SUGCT: variants seen among roughly 807,000 people sequenced by gnomAD.
SUGCT encodes succinyl-CoA:glutarate CoA-transferase.
In SUGCT, 41 loss-of-function variants were observed where a neutral mutation model predicts 55.0. That is an observed-to-expected ratio of 0.74 (90% CI 0.58 to 0.97). The LOEUF (loss-of-function observed/expected upper bound fraction) is 0.97, where lower values mean the gene tolerates loss of function less well. SUGCT is among the 50% of genes least tolerant of loss of function. The pLI, the probability that SUGCT is intolerant of heterozygous loss-of-function variation, is 0.00. For missense variants in SUGCT, 568 were observed against 547.8 expected (o/e 1.04, Z -0.37); for synonymous variants, 187 against 200.4 (o/e 0.93, Z 0.56).
At chr7:40,141,925 C>T (rs893841370) in intron 1 of SUGCT, 4 of 302,366 alleles carry the variant, frequency 1.3e-5, no homozygotes, top group Admixed American at 3.4e-5. Context: ...CCCTGATGCA[C>T]GTGGCCCCGC....
the SUGCT span, among the ~76,000 whole-genome samples, chr7:40,946,371 T>C: frequency 1.1e-4 from 16 of 152,244 alleles, no homozygotes; most frequent in Non-Finnish European, 1.9e-4. Context: ...GCTCTGCACA[T>C]GTGGATACAA....
chr7:40,399,678 T>C (rs1785955365), intron 9 of SUGCT, among the ~76,000 whole-genome samples: 1 of 152,222 alleles, frequency 6.6e-6, no homozygotes, highest in Non-Finnish European at 1.5e-5. Flanking sequence ...GATAATGAAA[T>C]GAGCATATTA....
At chr7:40,254,466 C>T (rs773556721) in intron 7 of SUGCT, among the ~76,000 whole-genome samples, 44 of 151,580 alleles carry the variant, frequency 2.9e-4, no homozygotes, top group African/African-American at 5.3e-4. Context: ...GGTGTGATCT[C>T]GGCTCTCCGC....
the SUGCT span, among the ~76,000 whole-genome samples, chr7:40,866,366 T>C: frequency 1.3e-5 from 2 of 151,992 alleles, no homozygotes; most frequent in African/African-American, 2.4e-5. Flanking sequence ...AGCTTTGAAA[T>C]GTACTCCTGA....
chr7:40,568,131 T>C (rs534366133), intron 12 of SUGCT, among the ~76,000 whole-genome samples: 2 of 152,338 alleles, frequency 1.3e-5, no homozygotes, highest in East Asian at 3.9e-4. Flanking sequence ...TGCATTTCTT[T>C]TCTTTTACCA....
Position 40,521,197 on chromosome 7 carries a change from A to T in SUGCT, c.1089+24811A>T, listed in dbSNP as rs1057044170. The stretch of plus-strand genomic sequence containing the variant: ...GATTGGCTCATGGGGGCGGATTCAC[A>T]TTAATGGTTTAGTGCCATCCCCGTG... On this transcript the variant is annotated intron_variant, in intron 12 of 13. Transcript: ENST00000335693. Among the ~76,000 whole-genome samples, 20 of 152,240 alleles carry T rather than the reference A, an allele frequency of 1.3e-4. No homozygotes were observed. The Middle Eastern group carries it at 0.01, about 78-fold the overall frequency.
intron 12 of SUGCT, among the ~76,000 whole-genome samples, chr7:40,552,696 A>G (rs1795360637): frequency 1.3e-5 from 2 of 152,154 alleles, no homozygotes; most frequent in Admixed American, 1.3e-4. Context: ...CCCCATAGGC[A>G]TGGAAGGAAA....
intron 12 of SUGCT, among the ~76,000 whole-genome samples, chr7:40,678,869 A>C (rs1784117668): frequency 6.6e-6 from 1 of 152,198 alleles, no homozygotes; most frequent in African/African-American, 2.4e-5. Flanking sequence ...TTTCACTACT[A>C]TTGCGAAGTG....
intron 12 of SUGCT, among the ~76,000 whole-genome samples, chr7:40,682,380 A>T (rs1784291264): frequency 6.6e-6 from 1 of 152,226 alleles, no homozygotes; most frequent in East Asian, 1.9e-4. Flanking sequence ...AAACCCAAGA[A>T]GGGGGACCAG....
At chr7:40,774,845 C>A (rs2128731726) in intron 13 of SUGCT, among the ~76,000 whole-genome samples, 1 of 150,526 alleles carries the variant, frequency 6.6e-6, no homozygotes, top group South Asian at 2.1e-4. Flanking sequence ...GTTTTCATGG[C>A]CATGTGTACT....
chr7:40,982,666 T>G, the SUGCT span, among the ~76,000 whole-genome samples: 4 of 152,152 alleles, frequency 2.6e-5, no homozygotes, highest in Non-Finnish European at 2.9e-5. Flanking sequence ...ATTTTTTTTT[T>G]ATTTTTTAGA....
chr7:40,848,195 A>G (rs1024953155), intron 13 of SUGCT, among the ~76,000 whole-genome samples: 17 of 152,236 alleles, frequency 1.1e-4, no homozygotes, highest in Non-Finnish European at 4.4e-5. Flanking sequence ...AGAAACTTGC[A>G]TAATTTACAC....
intron 12 of SUGCT, among the ~76,000 whole-genome samples, chr7:40,691,095 TG>T (rs1161885686): frequency 2.6e-5 from 4 of 152,192 alleles, no homozygotes; most frequent in African/African-American, 9.6e-5. Flanking sequence ...TTCCTACTGT[TG>T]GAGAACTAAG....
At chr7:40,719,592 G>A (rs899021798) in intron 12 of SUGCT, among the ~76,000 whole-genome samples, 3 of 152,132 alleles carry the variant, frequency 2.0e-5, no homozygotes, top group Non-Finnish European at 4.4e-5. Flanking sequence ...TGAAAACCAG[G>A]CAAAAGCCCA....
chr7:40,936,229 T>TTTATTA, the SUGCT span, among the ~76,000 whole-genome samples: 88 of 149,346 alleles, frequency 5.9e-4, no homozygotes, highest in Middle Eastern at 3.5e-3. Flanking sequence ...TTGTGGGATG[T>TTTATTA]TTATTATTAT....
At chr7:40,379,664 T>C (rs1222788161) in intron 9 of SUGCT, among the ~76,000 whole-genome samples, 2 of 152,192 alleles carry the variant, frequency 1.3e-5, no homozygotes, top group Admixed American at 6.6e-5. Flanking sequence ...TGTCTTCAAG[T>C]ATTTGCTGAA....
At chr7:40,545,802 C>A (rs1037584577) in intron 12 of SUGCT, among the ~76,000 whole-genome samples, 3 of 152,040 alleles carry the variant, frequency 2.0e-5, no homozygotes, top group African/African-American at 7.2e-5. Flanking sequence ...TGGGTGTGTT[C>A]TTTTAAACAT....
intron 9 of SUGCT, among the ~76,000 whole-genome samples, chr7:40,443,320 C>G (rs2151416854): frequency 6.6e-6 from 1 of 152,288 alleles, no homozygotes; most frequent in African/African-American, 2.4e-5. Flanking sequence ...AATGGTTGAA[C>G]TAGTTTACAG....
At chr7:40,334,839 C>T (rs1233931145) in intron 9 of SUGCT, among the ~76,000 whole-genome samples, 3 of 152,282 alleles carry the variant, frequency 2.0e-5, no homozygotes, top group Admixed American at 6.5e-5. Flanking sequence ...TGCCTATGTC[C>T]TGAATGGTAA....
Sources: allele counts gnomAD v4.1 joint callset (sites outside exome capture counted in the v4.1 genomes callset), GRCh38; gene constraint gnomAD v4.1.1; transcripts MANE v1.5; gene names NCBI Gene and HGNC (gene_info 2026-07-23, HGNC 2026-07-21).